Variants in NDUFAF6 observed in about 807,000 individuals in gnomAD.
NDUFAF6 encodes the protein NADH:ubiquinone oxidoreductase complex assembly factor 6.
In NDUFAF6, 45 loss-of-function variants were observed where a neutral mutation model predicts 40.8. The ratio of observed to expected loss-of-function variants is 1.10; its 90% CI spans 0.87 to 1.42. The LOEUF (loss-of-function observed/expected upper bound fraction) is 1.42, where lower values mean the gene tolerates loss of function less well. Ranked by LOEUF, NDUFAF6 falls within the 40% of genes most tolerant of loss-of-function variation. The pLI, the probability that NDUFAF6 is intolerant of heterozygous loss-of-function variation, is 0.00. For synonymous variants in NDUFAF6, 185 were observed against 155.9 expected (o/e 1.19, Z -1.39); for missense variants, 435 against 418.5 (o/e 1.04, Z -0.34).
chr8:95,013,655 G>A (rs543717260), intron 2 of NDUFAF6, among the ~76,000 whole-genome samples: 3 of 152,226 alleles, frequency 2.0e-5, no homozygotes, highest in African/African-American at 4.8e-5. Flanking sequence ...CCATATGTTC[G>A]TGGAACTTAC....
At chr8:95,102,041 A>G (rs1362890514) in intron 2 of NDUFAF6, among the ~76,000 whole-genome samples, 1 of 152,006 alleles carries the variant, frequency 6.6e-6, no homozygotes, top group Non-Finnish European at 1.5e-5. Context: ...CTTGTTGCCC[A>G]GGCTGGACTG....
intron 1 of NDUFAF6, among the ~76,000 whole-genome samples, chr8:94,976,385 T>C (rs1217830871): frequency 7.0e-6 from 1 of 142,526 alleles, no homozygotes; most frequent in Non-Finnish European, 1.5e-5. Context: ...ATCCCTGTAA[T>C]CCCAGCTACT....
At chr8:95,029,416 A>G (rs74789871) in intron 1 of NDUFAF6, among the ~76,000 whole-genome samples, 19,703 of 152,234 alleles carry the variant, frequency 0.13, 1,641 homozygotes, top group Non-Finnish European at 0.18. Context: ...TGCAGACATG[A>G]TACTTCATTA....
At chr8:95,006,832 G>A (rs917957887) in intron 2 of NDUFAF6, among the ~76,000 whole-genome samples, 3 of 151,628 alleles carry the variant, frequency 2.0e-5, no homozygotes, top group East Asian at 1.9e-4. Flanking sequence ...GCAATGAGCC[G>A]AGATCATGCC....
At chr8:95,112,662 T>A (rs1563874260) in intron 4 of NDUFAF6, among the ~76,000 whole-genome samples, 1 of 152,196 alleles carries the variant, frequency 6.6e-6, no homozygotes, top group Non-Finnish European at 1.5e-5. Context: ...TAAGATCCTG[T>A]TTGCCTACCA....
At chr8:95,071,417 A>T (rs1298347936) in intron 9 of NDUFAF6, among the ~76,000 whole-genome samples, 4 of 151,530 alleles carry the variant, frequency 2.6e-5, no homozygotes, top group Non-Finnish European at 5.9e-5. Context: ...AAAAAAAAAA[A>T]AAAAAAGCAT....
upstream of NDUFAF6, among the ~76,000 whole-genome samples, chr8:95,023,631 C>G (rs1282682058): frequency 1.3e-5 from 2 of 152,204 alleles, no homozygotes; most frequent in African/African-American, 4.8e-5. Context: ...CAGCTGCTGG[C>G]TGGGATCAGC....
intron 1 of NDUFAF6, among the ~76,000 whole-genome samples, chr8:94,915,568 TC>T (rs1819077640): frequency 6.6e-6 from 1 of 152,224 alleles, no homozygotes; most frequent in Non-Finnish European, 1.5e-5. Flanking sequence ...CAATTTATTT[TC>T]CTTTGGGTGT....
At chr8:95,083,562 G>C (rs1440508993) in intron 2 of NDUFAF6, among the ~76,000 whole-genome samples, 3 of 152,124 alleles carry the variant, frequency 2.0e-5, no homozygotes, top group Admixed American at 6.5e-5. Context: ...CCCTTTCTCA[G>C]ATAATGACTT....
At chr8:95,073,829 C>T (rs1832951313) in intron 9 of NDUFAF6, among the ~76,000 whole-genome samples, 1 of 152,116 alleles carries the variant, frequency 6.6e-6, no homozygotes, top group South Asian at 2.1e-4. Flanking sequence ...GACTTTAAAA[C>T]CTGCCAACCA....
chr8:95,105,231 G>A (rs1323045846), downstream of NDUFAF6, among the ~76,000 whole-genome samples: 2 of 152,098 alleles, frequency 1.3e-5, no homozygotes, highest in Admixed American at 6.5e-5. Context: ...ATAAGTCTTT[G>A]TTTCCATCAA....
chr8:95,012,309 C>T (rs888793840), intron 2 of NDUFAF6, among the ~76,000 whole-genome samples: 4 of 152,112 alleles, frequency 2.6e-5, no homozygotes, highest in African/African-American at 4.8e-5. Context: ...CTCTTTTCTG[C>T]GTGTTTATGC....
At chr8:95,086,017 A>G (rs1459837283) in intron 2 of NDUFAF6, among the ~76,000 whole-genome samples, 1 of 152,146 alleles carries the variant, frequency 6.6e-6, no homozygotes, top group African/African-American at 2.4e-5. Flanking sequence ...TTATCCTGTC[A>G]CATGATCCAC....
At chr8:94,919,371 A>T (rs1213454172) in intron 1 of NDUFAF6, among the ~76,000 whole-genome samples, 1 of 151,966 alleles carries the variant, frequency 6.6e-6, no homozygotes, top group Non-Finnish European at 1.5e-5. Context: ...TATTGAATGT[A>T]CCCCATAATT....
intron 1 of NDUFAF6, among the ~76,000 whole-genome samples, chr8:94,944,924 C>A (rs1463842275): frequency 6.6e-6 from 1 of 152,178 alleles, no homozygotes; most frequent in African/African-American, 2.4e-5. Context: ...ATTCCTTTGG[C>A]CCTGCTTTCT....
intron 9 of NDUFAF6, among the ~76,000 whole-genome samples, chr8:95,071,234 CA>C (rs34778035): frequency 0.15 from 22,486 of 146,942 alleles, 1,748 homozygotes; most frequent in Middle Eastern, 0.24. Flanking sequence ...ACTAAAAATA[CA>C]AAAAAAAAAA....
At chr8:94,931,589 C>CACAA in intron 1 of NDUFAF6, among the ~76,000 whole-genome samples, 1 of 47,632 alleles carries the variant, frequency 2.1e-5, no homozygotes, top group South Asian at 1.0e-3. Context: ...ATATTTATTA[C>CACAA]ACACACACAC....
At chr8:94,997,329 C>CAGAGAGAG (rs1826483545) in intron 2 of NDUFAF6, among the ~76,000 whole-genome samples, 1 of 139,762 alleles carries the variant, frequency 7.2e-6, no homozygotes, top group African/African-American at 2.7e-5. Context: ...CACACACACA[C>CAGAGAGAG]ACACACACAC....
intron 1 of NDUFAF6, chr8:94,926,422 A>AG: frequency 5.9e-5 from 1 of 17,026 alleles, no homozygotes; most frequent in Non-Finnish European, 1.1e-4. Flanking sequence ...AGCCACTTAA[A>AG]AAAAAAAAAA....
Sources: allele counts gnomAD v4.1 joint callset (sites outside exome capture counted in the v4.1 genomes callset), GRCh38; gene constraint gnomAD v4.1.1; transcripts MANE v1.5; gene names NCBI Gene and HGNC (gene_info 2026-07-23, HGNC 2026-07-21).